MAP3K20: variants seen among roughly 807,000 people sequenced by gnomAD.
MAP3K20 encodes HCCS-4.
Under a neutral mutation model 85.7 loss-of-function variants are expected in MAP3K20, and 40 were observed. That is an observed-to-expected ratio of 0.47 (90% confidence interval 0.36 to 0.61). MAP3K20 has a LOEUF of 0.61. Ranked by LOEUF, MAP3K20 falls within the 20% of genes least tolerant of loss-of-function variation. The pLI is 0.00. For missense variants in MAP3K20, 817 were observed against 961.7 expected (o/e 0.85, Z 1.99); for synonymous variants, 325 against 327.7 (o/e 0.99, Z 0.09).
chr2:173,118,010 A>C (rs1574029432), intron 2 of MAP3K20, among the ~76,000 whole-genome samples: 1 of 152,144 alleles, frequency 6.6e-6, no homozygotes, highest in African/African-American at 2.4e-5. Context: ...ACTTACCCCC[A>C]AGGGGTTTTC....
intron 2 of MAP3K20, among the ~76,000 whole-genome samples, chr2:173,151,720 G>T (rs1377349824): frequency 1.3e-5 from 2 of 152,116 alleles, no homozygotes; most frequent in Admixed American, 6.6e-5. Context: ...TTGAATTTTG[G>T]CTTCACTGCT....
chr2:173,088,348 G>A (rs1687198804), intron 1 of MAP3K20, among the ~76,000 whole-genome samples: 1 of 152,228 alleles, frequency 6.6e-6, no homozygotes. Context: ...AGTACGGTTG[G>A]AAGCTGGGAG....
chr2:173,225,628 A>T lies in MAP3K20; in HGVS notation c.988-4061A>T, dbSNP rs1191303095. On this transcript the variant is annotated intron_variant, in intron 11 of 19. Transcript: ENST00000375213. ...AAAAAACAAAAAAAAACAACCCGGTAGCATTGTCCCTTCCCCACTGACAAA... is the reference window on the plus strand; with the variant it reads ...AAAAAACAAAAAAAAACAACCCGGTTGCATTGTCCCTTCCCCACTGACAAA... The T allele has an allele frequency of 5.1e-6, 5 of 983,904 alleles. No homozygotes were observed. The African/African-American group carries it at 5.2e-5, about 10-fold the overall frequency. 60.9% of individuals were successfully genotyped at this position (983,904 alleles called of 1,614,324 possible).
intron 14 of MAP3K20, among the ~76,000 whole-genome samples, chr2:173,235,531 T>A (rs947603183): frequency 5.9e-5 from 9 of 152,064 alleles, no homozygotes; most frequent in Non-Finnish European, 1.2e-4. Flanking sequence ...AATAGGCGAA[T>A]CCATAGAGAC....
intron 16 of MAP3K20, among the ~76,000 whole-genome samples, chr2:173,241,141 G>T (rs6707969): frequency 0.42 from 64,306 of 151,942 alleles, 14,420 homozygotes; most frequent in Non-Finnish European, 0.51. Context: ...TGAAAACATA[G>T]ACAGAATGAA....
intron 2 of MAP3K20, among the ~76,000 whole-genome samples, chr2:173,108,117 A>G (rs1687836381): frequency 1.3e-5 from 2 of 151,414 alleles, no homozygotes; most frequent in African/African-American, 4.8e-5. Flanking sequence ...ATTTTGTGTT[A>G]TAAACTGGGA....
intron 11 of MAP3K20, chr2:173,224,037 G>GA: frequency 2.0e-6 from 2 of 981,120 alleles, no homozygotes; most frequent in Non-Finnish European, 2.4e-6. Flanking sequence ...ATAGCTAGAT[G>GA]AAAATCTTTG....
Position 173,266,200 on chromosome 2 carries a change from C to G in MAP3K20, c.1853C>G (p.Pro618Arg). 1 of 1,614,008 alleles carries G rather than the reference C, an allele frequency of 6.2e-7. No homozygotes were observed. The highest frequency in any genetic ancestry group is 8.5e-7 in the Non-Finnish European group (1 of 1,179,982). Residue 618 changes from proline (P) to arginine (R), a missense_variant, in exon 20 of 20, where the codon CCC (proline) becomes CGC (arginine). Around this residue, in one of 4 missense-constraint regions of MAP3K20, gnomAD observed 454 missense variants for 476.9 expected, o/e 0.95. Transcript: ENST00000375213. The stretch of plus-strand genomic sequence containing the variant: ...TCCTACGCTGCTGCTGTGAGACGGC[C>G]CCAGGTGCCCATTAAGTATCAACAG... ...QDSYAAAVRRPQVPIKYQQIT... is the reference protein window; with the variant it reads ...QDSYAAAVRRRQVPIKYQQIT...
chr2:173,186,688 ATTAG>A (rs1448277868), intron 4 of MAP3K20, among the ~76,000 whole-genome samples: 1 of 152,206 alleles, frequency 6.6e-6, no homozygotes, highest in African/African-American at 2.4e-5. Context: ...TATTTCTGCC[ATTAG>A]TTAGAAAAAA....
At chr2:173,149,052 G>A (rs771165004) in intron 2 of MAP3K20, among the ~76,000 whole-genome samples, 2 of 152,188 alleles carry the variant, frequency 1.3e-5, no homozygotes, top group African/African-American at 2.4e-5. Flanking sequence ...TGTTGTAGAC[G>A]TATAGAATTG....
intron 1 of MAP3K20, among the ~76,000 whole-genome samples, chr2:173,079,478 A>G (rs1475658264): frequency 1.3e-5 from 2 of 152,142 alleles, no homozygotes; most frequent in Non-Finnish European, 2.9e-5. Context: ...TTTTTCTTCA[A>G]TAATAAATTA....
chr2:173,124,365 T>C (rs1028879992), intron 2 of MAP3K20, among the ~76,000 whole-genome samples: 1 of 152,136 alleles, frequency 6.6e-6, no homozygotes, highest in Non-Finnish European at 1.5e-5. Context: ...GCTCCAGGCC[T>C]GATGAAGTGC....
At chr2:173,109,281 A>C (rs772290435) in intron 2 of MAP3K20, among the ~76,000 whole-genome samples, 22 of 152,322 alleles carry the variant, frequency 1.4e-4, no homozygotes, top group Non-Finnish European at 2.8e-4. Flanking sequence ...ATTCTGTAAG[A>C]ATACAAATAA....
At chr2:173,097,364 T>TACAAAA (rs1020438160) in intron 2 of MAP3K20, among the ~76,000 whole-genome samples, 1 of 152,030 alleles carries the variant, frequency 6.6e-6, no homozygotes, top group East Asian at 1.9e-4. Context: ...TCAAAATCAA[T>TACAAAA]ACAAAAACAA....
intron 3 of MAP3K20, among the ~76,000 whole-genome samples, chr2:173,173,564 C>T (rs1335142602): frequency 1.3e-5 from 2 of 152,172 alleles, no homozygotes; most frequent in Non-Finnish European, 2.9e-5. Context: ...TTTTTAAGTG[C>T]CCAATCTCAT....
intron 1 of MAP3K20, among the ~76,000 whole-genome samples, chr2:173,085,771 T>C (rs1687126184): frequency 6.6e-6 from 1 of 150,624 alleles, no homozygotes; most frequent in South Asian, 2.1e-4. Context: ...ATTGCCTTTT[T>C]TGTGTAAAAG....
intron 7 of MAP3K20, among the ~76,000 whole-genome samples, chr2:173,191,964 A>G (rs80066499): frequency 1.1e-3 from 172 of 152,256 alleles, no homozygotes; most frequent in African/African-American, 4.0e-3. Context: ...TGGAGGAAGG[A>G]ATTCATTTGT....
At chr2:173,083,295 G>A (rs1016116987) in intron 1 of MAP3K20, among the ~76,000 whole-genome samples, 7 of 152,112 alleles carry the variant, frequency 4.6e-5, no homozygotes, top group Non-Finnish European at 8.8e-5. Flanking sequence ...GAAATATCTG[G>A]TAGATACAGT....
intron 2 of MAP3K20, among the ~76,000 whole-genome samples, chr2:173,134,417 TATATATA>T (rs1297203004): frequency 3.5e-4 from 7 of 19,940 alleles, no homozygotes; most frequent in African/African-American, 7.7e-4. Context: ...TATATATATA[TATATATA>T]TATATTTTTT....
Sources: allele counts gnomAD v4.1 joint callset (sites outside exome capture counted in the v4.1 genomes callset), GRCh38; gene constraint gnomAD v4.1.1; regional missense constraint gnomAD v4.1.1; transcripts MANE v1.5; gene names NCBI Gene and HGNC (gene_info 2026-07-23, HGNC 2026-07-21).